GRIN2A: variants seen among roughly 807,000 people sequenced by gnomAD.
The protein encoded by GRIN2A is glutamate ionotropic receptor NMDA type subunit 2A, also known as glutamate receptor ionotropic, NMDA 2A.
Under a neutral mutation model 113.4 loss-of-function variants are expected in GRIN2A, and 22 were observed. That is an observed-to-expected ratio of 0.19 (90% CI 0.14 to 0.28). The LOEUF (loss-of-function observed/expected upper bound fraction) is 0.28. Ranked by LOEUF, GRIN2A falls within the 10% of genes least tolerant of loss-of-function variation. GRIN2A has a pLI of 1.00. For missense variants in GRIN2A, 1,502 were observed against 1,887.0 expected, an observed-to-expected ratio of 0.80 and a Z score of 3.78; for synonymous variants, 827 against 738.4, an observed-to-expected ratio of 1.12 and a Z score of -1.94.
rs117990160 is a variant in GRIN2A at position 10,079,127 on chromosome 16, C to T, written c.414+100871G>A. 6.7e-3 allele frequency among the ~76,000 whole-genome samples: 1,018 copies of T among 152,344 alleles called. 11 individuals carry two copies. The highest frequency in any genetic ancestry group is 0.01 in the Middle Eastern group (3 of 294). On this transcript the variant is annotated intron_variant, in intron 2 of 12. Coordinates refer to ENST00000330684, the MANE Select transcript of GRIN2A (RefSeq NM_001134407.3). ...CACTCACTGAGGACTCACTAGGTGT[C>T]AGGCACCATCTTAGCACAAATAAGA...
intron 3 of GRIN2A, among the ~76,000 whole-genome samples, chr16:9,920,181 A>C (rs2044332252): frequency 6.6e-6 from 1 of 152,236 alleles, no homozygotes; most frequent in Admixed American, 6.5e-5. Context: ...GCAAGTGCAC[A>C]ATAGCTGACT....
At chr16:10,152,467 G>A (rs2049601147) in intron 2 of GRIN2A, among the ~76,000 whole-genome samples, 1 of 152,086 alleles carries the variant, frequency 6.6e-6, no homozygotes, top group Non-Finnish European at 1.5e-5. Flanking sequence ...TCTTCCCCCA[G>A]CTCCACTATT....
chr16:10,138,067 C>T (rs766244484), intron 2 of GRIN2A, among the ~76,000 whole-genome samples: 7 of 152,160 alleles, frequency 4.6e-5, no homozygotes, highest in Non-Finnish European at 1.0e-4. Flanking sequence ...ACTCCTAGAC[C>T]CTAGTTCTGT....
Position 9,756,208 on chromosome 16 carries a change from G to A in GRIN2A, c.*6941C>T, listed in dbSNP as rs181271617. 724 of 227,454 alleles carry A rather than the reference G, an allele frequency of 3.2e-3. 25 individuals are homozygous for A. Among genetic ancestry groups the A allele is most frequent in the Non-Finnish European group, 9.7e-4 (111 of 114,298 alleles). The allele number at this position is 227,454 out of a possible 1,614,324, so 14.1% of individuals were successfully genotyped here. ...AATGGAATTAGCCCTGATGTTGACT[G>A]ATAAAAAGATGAGACATTAGGAAAG... On this transcript the variant is annotated 3_prime_UTR_variant, in exon 13 of 13. Coordinates refer to ENST00000330684, the MANE Select transcript of GRIN2A (RefSeq NM_001134407.3).
At chr16:10,118,148 G>A (rs2048763746) in intron 2 of GRIN2A, among the ~76,000 whole-genome samples, 1 of 152,210 alleles carries the variant, frequency 6.6e-6, no homozygotes, top group Admixed American at 6.5e-5. Context: ...CAAAGACTGA[G>A]TCTGACAGAG....
At chr16:10,032,260 G>A (rs763212553) in intron 2 of GRIN2A, among the ~76,000 whole-genome samples, 2 of 152,200 alleles carry the variant, frequency 1.3e-5, no homozygotes, top group Non-Finnish European at 2.9e-5. Flanking sequence ...CTTGGGTAAC[G>A]ATGGCTATGC....
chr16:9,978,807 T>C (rs2045826733), intron 2 of GRIN2A, among the ~76,000 whole-genome samples: 1 of 152,190 alleles, frequency 6.6e-6, no homozygotes, highest in Non-Finnish European at 1.5e-5. Context: ...GAGTAATCTC[T>C]TAATGGACCC....
At chr16:9,807,148 G>A (rs1165462883) in intron 10 of GRIN2A, among the ~76,000 whole-genome samples, 1 of 145,792 alleles carries the variant, frequency 6.9e-6, no homozygotes, top group Non-Finnish European at 1.5e-5. Flanking sequence ...AAATTATCCA[G>A]TATCGGGTAT....
intron 4 of GRIN2A, among the ~76,000 whole-genome samples, chr16:9,879,566 A>T (rs2141450258): frequency 6.6e-6 from 1 of 152,246 alleles, no homozygotes; most frequent in South Asian, 2.1e-4. Flanking sequence ...AACCCAAGCC[A>T]CGTAAATAGG....
intron 3 of GRIN2A, among the ~76,000 whole-genome samples, chr16:9,937,350 T>C (rs1173153603): frequency 6.6e-6 from 1 of 152,074 alleles, no homozygotes; most frequent in Non-Finnish European, 1.5e-5. Context: ...TATTTTAACA[T>C]AAAGAATATA....
chr16:10,069,761 A>G (rs1946531538), intron 2 of GRIN2A, among the ~76,000 whole-genome samples: 1 of 152,266 alleles, frequency 6.6e-6, no homozygotes, highest in South Asian at 2.1e-4. Context: ...TGTTAAGGAA[A>G]TGTTTCAGGC....
intron 2 of GRIN2A, among the ~76,000 whole-genome samples, chr16:10,146,042 G>A (rs370861632): frequency 6.6e-6 from 1 of 152,180 alleles, no homozygotes; most frequent in Non-Finnish European, 1.5e-5. Flanking sequence ...GGACACCCTT[G>A]GTGCCAGGTA....
chr16:9,881,414 C>T (rs532642167), intron 4 of GRIN2A, among the ~76,000 whole-genome samples: 27 of 152,320 alleles, frequency 1.8e-4, no homozygotes, highest in African/African-American at 5.1e-4. Context: ...AGTCTATGCC[C>T]TAAAGCAGTA....
At chr16:10,043,990 CGTGTGTGTGT>C (rs754929136) in intron 2 of GRIN2A, among the ~76,000 whole-genome samples, 2 of 107,564 alleles carry the variant, frequency 1.9e-5, no homozygotes, top group Non-Finnish European at 3.8e-5. Context: ...TATACACATA[CGTGTGTGTGT>C]GTGTGTGTAT....
Position 9,843,266 on chromosome 16 carries a change from G to A in GRIN2A, c.1329-2162C>T, listed in dbSNP as rs984073912. On this transcript the variant is annotated intron_variant, in intron 5 of 12. Transcript: ENST00000330684. ...ATTGGCAACACAGACACACACACAC[G>A]CATCAAACAACATTGATTTACATGA... 6.6e-5 allele frequency among the ~76,000 whole-genome samples: 10 copies of A among 151,896 alleles called. 1 individual carries two copies. The highest frequency in any genetic ancestry group is 4.2e-4 in the South Asian group (2 of 4,812).
intron 2 of GRIN2A, among the ~76,000 whole-genome samples, chr16:10,025,473 T>A (rs1429296829): frequency 6.6e-6 from 1 of 151,914 alleles, no homozygotes; most frequent in Non-Finnish European, 1.5e-5. Flanking sequence ...GACTATTTTT[T>A]CTTTTTTTTG....
chr16:10,134,031 A>G (rs1462717356), intron 2 of GRIN2A, among the ~76,000 whole-genome samples: 1 of 151,996 alleles, frequency 6.6e-6, no homozygotes, highest in Non-Finnish European at 1.5e-5. Context: ...AAAGAAAAAA[A>G]AAATACAAAA....
chr16:10,105,286 T>C (rs2048476190), intron 2 of GRIN2A, among the ~76,000 whole-genome samples: 1 of 152,158 alleles, frequency 6.6e-6, no homozygotes. Context: ...TGCCCTTTAA[T>C]GAAGCTGCCA....
intron 10 of GRIN2A, among the ~76,000 whole-genome samples, chr16:9,811,524 C>T (rs139611604): frequency 0.018 from 2,775 of 152,146 alleles, 75 homozygotes; most frequent in African/African-American, 0.063. Flanking sequence ...TTTGGGAGGC[C>T]GAGACAGGCG....
Sources: allele counts gnomAD v4.1 joint callset (sites outside exome capture counted in the v4.1 genomes callset), GRCh38; gene constraint gnomAD v4.1.1; transcripts MANE v1.5; gene names NCBI Gene and HGNC (gene_info 2026-07-23, HGNC 2026-07-21).